GBF1: variants seen among roughly 807,000 people sequenced by gnomAD.
GBF1 encodes Golgi-specific brefeldin A-resistance guanine nucleotide exchange factor 1.
GBF1 carries 114 observed loss-of-function variants against 210.5 expected under a neutral mutation model. That is an observed-to-expected ratio of 0.54 (90% CI 0.47 to 0.63). The LOEUF (loss-of-function observed/expected upper bound fraction) is 0.63, where lower values mean the gene tolerates loss of function less well. GBF1 is among the 30% of genes least tolerant of loss of function. The pLI is 0.00. For missense variants in GBF1, 1,851 were observed against 2,357.7 expected (o/e 0.79, Z 4.45); for synonymous variants, 850 against 889.2 (o/e 0.96, Z 0.78).
intron 11 of GBF1, among the ~76,000 whole-genome samples, chr10:102,359,778 CTT>C (rs57877868): frequency 1.1e-4 from 16 of 139,218 alleles, no homozygotes; most frequent in Non-Finnish European, 7.7e-5. Context: ...AATCCTTTTC[CTT>C]TTTTTTTTTT....
chr10:102,299,403 A>G (rs577478404), intron 3 of GBF1, among the ~76,000 whole-genome samples: 2 of 152,228 alleles, frequency 1.3e-5, no homozygotes, highest in Non-Finnish European at 2.9e-5. Flanking sequence ...GGTAGTGGTT[A>G]CATGAGTTAG....
chr10:102,365,642 G>C, intron 18 of GBF1, 43 bp downstream of exon 18: 1 of 1,517,600 alleles, frequency 6.6e-7, no homozygotes, highest in Non-Finnish European at 9.2e-7. Context: ...CAGGTATGGT[G>C]GCTCATGCCT....
At chr10:102,254,959 G>A (rs2072127954) in intron 1 of GBF1, among the ~76,000 whole-genome samples, 2 of 152,318 alleles carry the variant, frequency 1.3e-5, no homozygotes, top group South Asian at 4.1e-4. Context: ...GAGATTCCCT[G>A]AGTGAGGGGA....
chr10:102,336,299 CAAAAAAAAAAAAA>C (rs566414701), intron 3 of GBF1, among the ~76,000 whole-genome samples: 2 of 49,062 alleles, frequency 4.1e-5, no homozygotes, highest in African/African-American at 1.4e-4. Flanking sequence ...GACTTTGTCT[CAAAAAAAAAAAAA>C]AAGAAAAAAA....
intron 3 of GBF1, among the ~76,000 whole-genome samples, chr10:102,273,610 G>A (rs2074644616): frequency 6.6e-6 from 1 of 152,188 alleles, no homozygotes; most frequent in Non-Finnish European, 1.5e-5. Context: ...GAGTCAGGGT[G>A]CCCTTCTCAC....
chr10:102,347,303 T>C (rs1338221075), intron 4 of GBF1, among the ~76,000 whole-genome samples: 1 of 152,228 alleles, frequency 6.6e-6, no homozygotes, highest in East Asian at 1.9e-4. Flanking sequence ...GGGTACCAAC[T>C]AGCTTCTGAA....
chr10:102,315,450 C>T (rs1242337307), intron 3 of GBF1, among the ~76,000 whole-genome samples: 2 of 152,152 alleles, frequency 1.3e-5, no homozygotes, highest in South Asian at 2.1e-4. Context: ...TGTAGAACAT[C>T]GGTTCCCCAA....
At chr10:102,337,310 C>A (rs2057829841) in intron 3 of GBF1, among the ~76,000 whole-genome samples, 1 of 56,686 alleles carries the variant, frequency 1.8e-5, no homozygotes, top group African/African-American at 6.6e-5. Flanking sequence ...GGGGAGCTTG[C>A]AGTGAGCCAA....
At chr10:102,292,524 C>T (rs1036985932) in intron 3 of GBF1, among the ~76,000 whole-genome samples, 16 of 152,082 alleles carry the variant, frequency 1.1e-4, no homozygotes, top group Non-Finnish European at 4.4e-5. Context: ...CCACCATTCT[C>T]GGCTACTTTA....
chr10:102,252,569 CGTG>C (rs1565013271), intron 1 of GBF1, among the ~76,000 whole-genome samples: 1 of 151,982 alleles, frequency 6.6e-6, no homozygotes, highest in African/African-American at 2.4e-5. Flanking sequence ...AATGATGTGG[CGTG>C]GTGGCCCACA....
chr10:102,329,099 G>T (rs2057129628), intron 3 of GBF1, among the ~76,000 whole-genome samples: 1 of 152,198 alleles, frequency 6.6e-6, no homozygotes, highest in Non-Finnish European at 1.5e-5. Flanking sequence ...GCTCTGGTTT[G>T]TCTGTATGCT....
At chr10:102,237,913 A>G in the GBF1 span, among the ~76,000 whole-genome samples, 81 of 151,734 alleles carry the variant, frequency 5.3e-4, 1 homozygote, top group African/African-American at 1.8e-3. Flanking sequence ...GAAGCAATGC[A>G]CCAAGCAGTA....
intron 3 of GBF1, among the ~76,000 whole-genome samples, chr10:102,325,984 A>G (rs1326553473): frequency 1.3e-5 from 2 of 152,216 alleles, no homozygotes; most frequent in Non-Finnish European, 2.9e-5. Flanking sequence ...ATACAGTGTT[A>G]GAACTGAAAT....
chr10:102,251,580 G>T (rs1308632814), intron 1 of GBF1, among the ~76,000 whole-genome samples: 1 of 152,032 alleles, frequency 6.6e-6, no homozygotes, highest in Admixed American at 6.6e-5. Context: ...TTGAGGCAGA[G>T]TCTCACTCTG....
chr10:102,325,550 C>CA (rs140406517), intron 3 of GBF1, among the ~76,000 whole-genome samples: 39,290 of 96,002 alleles, frequency 0.41, 6,781 homozygotes, highest in South Asian at 0.55. Flanking sequence ...GACTCCGTCT[C>CA]AAAAAAAAAA....
chr10:102,358,447 G>T (rs888013268), intron 9 of GBF1, 59 bp from the exon 10 acceptor site: 5 of 1,193,908 alleles, frequency 4.2e-6, no homozygotes, highest in East Asian at 4.7e-5. Flanking sequence ...ACCATAGAGG[G>T]TTTGTTTTGC....
At chr10:102,305,569 C>T (rs772441369) in intron 3 of GBF1, among the ~76,000 whole-genome samples, 6 of 151,762 alleles carry the variant, frequency 4.0e-5, no homozygotes, top group African/African-American at 7.3e-5. Flanking sequence ...AAGATCATGC[C>T]ACTGCACTCC....
At chr10:102,375,290 A>C (rs185204405) in intron 29 of GBF1, 69 bp from the exon 30 acceptor site, 9 of 922,562 alleles carry the variant, frequency 9.8e-6, no homozygotes, top group African/African-American at 9.7e-5. Flanking sequence ...TGGGAAAGAA[A>C]ACTAGACAGG....
chr10:102,359,329 A>C lies in GBF1; in HGVS notation c.1074A>C (p.Leu358Phe). 6.2e-7 allele frequency: 1 copy of C among 1,610,554 alleles called. No individual in the cohort carries two copies. Among genetic ancestry groups the C allele is most frequent in the Non-Finnish European group, 8.5e-7 (1 of 1,176,748 alleles). Residue 358 changes from leucine to phenylalanine, a missense_variant, in exon 11 of 40, where the codon TTA becomes TTC. Coordinates refer to ENST00000369983, the MANE Select transcript of GBF1 (RefSeq NM_001377137.1). ...CTGTGGAGTCCATCCCTGAAGTGTT[A>C]GAGGAGTGCACGTCCCCTGCCGACC... Reference protein sequence around the residue: ...SASVESIPEVLEECTSPADHS... With the variant: ...SASVESIPEVFEECTSPADHS...
Sources: allele counts gnomAD v4.1 joint callset (sites outside exome capture counted in the v4.1 genomes callset), GRCh38; gene constraint gnomAD v4.1.1; transcripts MANE v1.5; gene names NCBI Gene and HGNC (gene_info 2026-07-23, HGNC 2026-07-21).